Variants in CDK16 observed in about 807,000 individuals in gnomAD.
CDK16 encodes the protein cyclin-dependent kinase 16.
In CDK16, 2 loss-of-function variants were observed where a neutral mutation model predicts 41.6. The ratio of observed to expected loss-of-function variants is 0.05; its 90% CI spans 0.02 to 0.15. CDK16 has a LOEUF of 0.15. Ranked by LOEUF, CDK16 falls within the 10% of genes least tolerant of loss-of-function variation. CDK16 has a pLI of 1.00. For missense variants in CDK16, 228 were observed against 428.9 expected (o/e 0.53, Z 4.14); for synonymous variants, 169 against 169.7 (o/e 1.00, Z 0.03).
In CDK16 at chrX:47,228,994, TG is replaced by T. The variant is rs1485208219; in HGVS notation, c.*228del. On this transcript the variant is annotated 3_prime_UTR_variant, in exon 16 of 16. Transcript: ENST00000357227. ...ACAAAGCTCTCATCACTCCTTCACT[TG>T]GTCTGTCTGTCTCTGTCTTGGTAGT... is the stretch of plus-strand genomic sequence containing the variant. 2.1e-6 allele frequency: 1 copy of T among 487,789 alleles called. No individual in the cohort carries two copies. Among genetic ancestry groups the T allele is most frequent in the South Asian group, 2.7e-5 (1 of 36,437 alleles). 40.2% of individuals were successfully genotyped at this position (487,789 alleles called of 1,213,427 possible).
Position 47,219,091 on chromosome X carries a change from C to T in CDK16, c.-21C>T. On this transcript the variant is annotated 5_prime_UTR_variant, in exon 1 of 16. Coordinates refer to ENST00000357227, the MANE Select transcript of CDK16 (RefSeq NM_006201.5). ...CCGGCCCCGCGGCTCTGAGGTTGCT[C>T]GCGCGCCCCCGCCGGTGAGCGCGTC... The T allele has an allele frequency of 6.2e-6, 5 of 811,748 alleles. No homozygotes were observed. Among genetic ancestry groups the T allele is most frequent in the Non-Finnish European group, 5.9e-6 (4 of 675,990 alleles). 66.9% of individuals were successfully genotyped at this position (811,748 alleles called of 1,213,427 possible). A position where few individuals can be genotyped will look rare whatever the true frequency, so the allele number is the denominator to read the frequency against.
At position 47,229,174 on chromosome X, in the gene CDK16, C is replaced by T. The variant is rs1188802682; in HGVS notation, c.*406C>T. 6.9e-6 allele frequency: 2 copies of T among 290,346 alleles called. No individual in the cohort carries two copies. Among genetic ancestry groups the T allele is most frequent in the African/African-American group, 5.6e-5 (2 of 35,909 alleles). 23.9% of individuals were successfully genotyped at this position (290,346 alleles called of 1,213,427 possible). A position where few individuals can be genotyped will look rare whatever the true frequency, so the allele number is the denominator to read the frequency against. ...CGACTCAGACAAGATGGTGACAATG[C>T]CTTGAGTCTGAGGCATCCTCTGCCT... On this transcript the variant is annotated 3_prime_UTR_variant, in exon 16 of 16. Transcript: ENST00000357227.
At position 47,227,194 on chromosome X, in the gene CDK16, G is replaced by A; in HGVS notation, c.1255G>A (p.Gly419Arg). 1 of 1,209,654 alleles carries A rather than the reference G, an allele frequency of 8.3e-7. No individual in the cohort carries two copies. Among genetic ancestry groups the A allele is most frequent in the Non-Finnish European group, 1.1e-6 (1 of 894,464 alleles). ...LSHAPRLDSD[G>R]ADLLTKLLQF... ...TCCTTGTGGCAGACTTGATAGCGAC[G>A]GGGCCGACCTCCTCACCAAGCTGTT... is the stretch of plus-strand genomic sequence containing the variant. The change falls in exon 13 of 16, where the codon GGG (glycine) becomes AGG (arginine). Residue 419 changes from glycine (G) to arginine (R), a missense_variant. Coordinates refer to ENST00000357227, the MANE Select transcript of CDK16 (RefSeq NM_006201.5).
At position 47,227,567 on chromosome X, in the gene CDK16, C is replaced by T. The variant is rs760132757; in HGVS notation, c.1375+98C>T. On this transcript the variant is annotated intron_variant, in intron 14 of 15. Coordinates refer to ENST00000357227, the MANE Select transcript of CDK16 (RefSeq NM_006201.5). ...TTGTGTAGGATTCTGGCTGTGCCAC[C>T]TCTACGTGGGGGGACATCTTGTTCA... 1.6e-5 allele frequency: 9 copies of T among 563,765 alleles called. No homozygotes were observed. The East Asian group carries it at 3.2e-4, about 20-fold the overall frequency. The allele number at this position is 563,765 out of a possible 1,213,427, so 46.5% of individuals were successfully genotyped here.
At position 47,226,998 on chromosome X, in the gene CDK16, C is replaced by G. The variant is rs200083897; in HGVS notation, c.1140C>G (p.Thr380=). Residue 380 remains threonine, a synonymous_variant, in exon 12 of 16, where the codon ACC becomes ACG. Transcript: ENST00000357227. ...QLHFIFRILG[T]PTEETWPGIL... is the part of the protein sequence containing the mutation. ...ATAACTCCTCTTCCCTACTAGGAAC[C>G]CCAACTGAGGAGACGTGGCCAGGCA... 5.5e-5 allele frequency: 67 copies of G among 1,209,384 alleles called. No individual in the cohort carries two copies. Among genetic ancestry groups the G allele is most frequent in the Non-Finnish European group, 7.2e-5 (64 of 894,414 alleles).
Position 47,224,633 on chromosome X carries a change from C to T in CDK16, c.352C>T (p.Leu118=), listed in dbSNP as rs146600180. The change falls in exon 4 of 16, where the codon CTA becomes TTA. Residue 118 remains leucine, a synonymous_variant. Transcript: ENST00000357227. ...TACCTGCTAGGACATCAACAAGCGC[C>T]TATCACTACCAGCTGACATCCGGCT... ...KISTEDINKR[L]SLPADIRLPE... The T allele has an allele frequency of 5.1e-5, 62 of 1,209,852 alleles. No homozygotes were observed. The Middle Eastern group carries it at 1.1e-3, about 22-fold the overall frequency.
At chrX:47,223,006 G>T in intron 1 of CDK16, 1 of 976,816 alleles carries the variant, frequency 1.0e-6, no homozygotes, top group Non-Finnish European at 1.3e-6. Context: ...TGGTTGTCAT[G>T]ACGATGAGTG....
intron 1 of CDK16, among the ~76,000 whole-genome samples, chrX:47,221,038 A>T (rs772845706): frequency 1.1e-3 from 122 of 111,401 alleles, no homozygotes; most frequent in Non-Finnish European, 1.7e-3. Flanking sequence ...GCGGTATGTT[A>T]TGTGTTAGGG....
intron 1 of CDK16, chrX:47,222,987 A>T (rs1469414441): frequency 6.3e-6 from 3 of 476,874 alleles, no homozygotes; most frequent in Non-Finnish European, 8.5e-6. Flanking sequence ...GATGAATGGG[A>T]TGATGCAGTG....
chrX:47,225,215 A>G, intron 6 of CDK16, 113 bp downstream of exon 6: 2 of 490,559 alleles, frequency 4.1e-6, no homozygotes, highest in Non-Finnish European at 7.0e-6. Context: ...TCTGGCTTTC[A>G]TGGGAATGCC....
In CDK16 at chrX:47,228,979, C is replaced by G. The variant is rs1286522722; in HGVS notation, c.*211C>G. The G allele has an allele frequency of 4.0e-6, 2 of 499,349 alleles. No homozygotes were observed. The highest frequency in any genetic ancestry group is 5.4e-5 in the Admixed American group (2 of 36,993). The allele number at this position is 499,349 out of a possible 1,213,427, so 41.2% of individuals were successfully genotyped here. A position where few individuals can be genotyped will look rare whatever the true frequency, so the allele number is the denominator to read the frequency against. Reference sequence around the variant, plus strand: ...GTCTGCTGGGTGCTAACAAAGCTCTCATCACTCCTTCACTTGGTCTGTCTG... The same window carrying G: ...GTCTGCTGGGTGCTAACAAAGCTCTGATCACTCCTTCACTTGGTCTGTCTG... On this transcript the variant is annotated 3_prime_UTR_variant, in exon 16 of 16. Transcript: ENST00000357227.
At chrX:47,223,890 C>T in intron 2 of CDK16, 131 bp downstream of exon 2, 1 of 526,347 alleles carries the variant, frequency 1.9e-6, no homozygotes, top group Non-Finnish European at 3.2e-6. Context: ...CTCTTCTCCC[C>T]CTTCCCTCCC....
intron 1 of CDK16, among the ~76,000 whole-genome samples, chrX:47,219,457 A>G (rs1937238439): frequency 9.2e-6 from 1 of 108,848 alleles, no homozygotes; most frequent in South Asian, 4.1e-4. Context: ...GTAAGGTTCA[A>G]GGCCCCGTGT....
chrX:47,228,733 A>G lies in CDK16; in HGVS notation c.1456A>G (p.Arg486Gly), dbSNP rs2055283528. 8.3e-7 allele frequency: 1 copy of G among 1,208,004 alleles called. No homozygotes were observed. Among genetic ancestry groups the G allele is most frequent in the Non-Finnish European group, 1.1e-6 (1 of 893,975 alleles). Residue 486 changes from arginine to glycine, a missense_variant and splice_region_variant, in exon 16 of 16, where the codon AGG becomes GGG. Arg to Gly is a moderately radical substitution (Grantham distance 125). Coordinates refer to ENST00000357227, the MANE Select transcript of CDK16 (RefSeq NM_006201.5). ...ATCTGCTCTGCTTTCCCCCACAGGC[A>G]GGCCAGCTTTCCGCGTGGTGGACAC... ...LRSSSMPDSG[R>G]PAFRVVDTEF is the part of the protein sequence containing the mutation.
In CDK16 at chrX:47,219,092, G is replaced by A. The variant is rs1937213619; in HGVS notation, c.-20G>A. 1.2e-6 allele frequency: 1 copy of A among 811,511 alleles called. No homozygotes were observed. The allele number at this position is 811,511 out of a possible 1,213,427, so 66.9% of individuals were successfully genotyped here. A position where few individuals can be genotyped will look rare whatever the true frequency, so the allele number is the denominator to read the frequency against. ...CGGCCCCGCGGCTCTGAGGTTGCTC[G>A]CGCGCCCCCGCCGGTGAGCGCGTCC... On this transcript the variant is annotated 5_prime_UTR_variant, in exon 1 of 16. Coordinates refer to ENST00000357227, the MANE Select transcript of CDK16 (RefSeq NM_006201.5).
In CDK16 at chrX:47,218,883, G is replaced by A. The variant is rs1448951923; in HGVS notation, c.-229G>A. On this transcript the variant is annotated 5_prime_UTR_variant, in exon 1 of 16. Transcript: ENST00000357227. ...CCCGCAGCGGCCAAGCTCATGGCCGGCTGAGCGGGACGCCGCCTCCGCCTC... is the reference window on the plus strand; with the variant it reads ...CCCGCAGCGGCCAAGCTCATGGCCGACTGAGCGGGACGCCGCCTCCGCCTC... 3.7e-6 allele frequency: 4 copies of A among 1,083,898 alleles called. No homozygotes were observed. In the Admixed American group the frequency reaches 1.3e-4, roughly 36 times the overall value. 89.3% of individuals were successfully genotyped at this position (1,083,898 alleles called of 1,213,427 possible).
At chrX:47,227,538 C>A in intron 14 of CDK16, 69 bp downstream of exon 14, 4 of 838,959 alleles carry the variant, frequency 4.8e-6, no homozygotes, top group Non-Finnish European at 7.0e-6. Flanking sequence ...GGCCAGCTGG[C>A]GGGTTGTGTA....
intron 6 of CDK16, among the ~76,000 whole-genome samples, 179 bp downstream of exon 6, chrX:47,225,281 G>A (rs1937519528): frequency 8.9e-6 from 1 of 111,932 alleles, no homozygotes; most frequent in African/African-American, 3.3e-5. Flanking sequence ...TTCCCATTTG[G>A]ATAAAAGGTA....
In CDK16 at chrX:47,227,336, T is replaced by G. The variant is rs757915677; in HGVS notation, c.1285-43T>G. 29 of 1,128,413 alleles carry G rather than the reference T, an allele frequency of 2.6e-5. No individual in the cohort carries two copies. The Admixed American group carries it at 6.6e-4, about 26-fold the overall frequency. The allele number at this position is 1,128,413 out of a possible 1,213,427, so 93.0% of individuals were successfully genotyped here. On this transcript the variant is annotated intron_variant, in intron 13 of 15. Coordinates refer to ENST00000357227, the MANE Select transcript of CDK16 (RefSeq NM_006201.5). ...TGAGGTGGGCAGAGAGACCTACTTG[T>G]TGAAGATATCAATACTATCCCCCTC...
Sources: allele counts gnomAD v4.1 joint callset (sites outside exome capture counted in the v4.1 genomes callset), GRCh38; gene constraint gnomAD v4.1.1; transcripts MANE v1.5; gene names NCBI Gene and HGNC (gene_info 2026-07-23, HGNC 2026-07-21).